Variants in ATAD2B observed in about 807,000 individuals in gnomAD.
The protein encoded by ATAD2B is ATPase family AAA domain containing 2B.
A neutral mutation model predicts 167.6 loss-of-function variants in ATAD2B; 40 were observed. The ratio of observed to expected loss-of-function variants is 0.24; its 90% CI spans 0.19 to 0.31. The LOEUF (loss-of-function observed/expected upper bound fraction) is 0.31. Ranked by LOEUF, ATAD2B falls within the 10% of genes least tolerant of loss-of-function variation. The pLI, the probability that ATAD2B is intolerant of heterozygous loss-of-function variation, is 1.00. For synonymous variants in ATAD2B, 579 were observed against 596.5 expected, an observed-to-expected ratio of 0.97 and a Z score of 0.43; for missense variants, 1,242 against 1,757.2, an observed-to-expected ratio of 0.71 and a Z score of 5.24.
chr2:23,881,860 A>G (rs1697957712), intron 6 of ATAD2B, among the ~76,000 whole-genome samples: 1 of 151,906 alleles, frequency 6.6e-6, no homozygotes, highest in South Asian at 2.1e-4. Context: ...AGTAGCTGGG[A>G]CTACAAGCAT....
chr2:23,821,467 C>T (rs1687437923), intron 16 of ATAD2B, among the ~76,000 whole-genome samples: 1 of 152,148 alleles, frequency 6.6e-6, no homozygotes, highest in East Asian at 1.9e-4. Flanking sequence ...TATTCATTCC[C>T]CTCTGTCTGC....
the ATAD2B span, among the ~76,000 whole-genome samples, chr2:23,722,254 T>TC: frequency 6.6e-6 from 1 of 151,984 alleles, no homozygotes; most frequent in Non-Finnish European, 1.5e-5. Flanking sequence ...AGATCCCAAT[T>TC]ATAAGGAAAT....
At chr2:23,829,560 G>A (rs2149709092) in intron 14 of ATAD2B, among the ~76,000 whole-genome samples, 1 of 152,210 alleles carries the variant, frequency 6.6e-6, no homozygotes, top group East Asian at 1.9e-4. Flanking sequence ...AGACTAGCCT[G>A]GACAACATAG....
At chr2:23,837,810 T>C (rs1690250943) in intron 13 of ATAD2B, among the ~76,000 whole-genome samples, 4 of 152,268 alleles carry the variant, frequency 2.6e-5, no homozygotes. Flanking sequence ...GTTACACCTT[T>C]GGACAATTTC....
At chr2:23,880,091 C>T (rs923108724) in intron 7 of ATAD2B, among the ~76,000 whole-genome samples, 8 of 151,350 alleles carry the variant, frequency 5.3e-5, no homozygotes, top group Admixed American at 3.3e-4. Flanking sequence ...GAGATACTTT[C>T]CCTAAAGAAC....
chr2:23,887,715 T>G, intron 4 of ATAD2B, 117 bp downstream of exon 4: 1 of 904,334 alleles, frequency 1.1e-6, no homozygotes, highest in African/African-American at 1.7e-5. Context: ...AGCTTCAAGT[T>G]AAGTTTTTAA....
chr2:23,778,801 G>C (rs1352023545), intron 22 of ATAD2B, among the ~76,000 whole-genome samples: 1 of 152,178 alleles, frequency 6.6e-6, no homozygotes, highest in Non-Finnish European at 1.5e-5. Flanking sequence ...GGCTTAATTT[G>C]ATCAAAGTTA....
chr2:23,901,401 C>T (rs1014765093), intron 1 of ATAD2B, among the ~76,000 whole-genome samples: 4 of 151,202 alleles, frequency 2.6e-5, no homozygotes, highest in Admixed American at 2.0e-4. Context: ...AGAATCTAGC[C>T]TAAATTAAGC....
chr2:23,736,850 T>C, the ATAD2B span, among the ~76,000 whole-genome samples: 1 of 152,198 alleles, frequency 6.6e-6, no homozygotes, highest in African/African-American at 2.4e-5. Flanking sequence ...ACCCTAATAC[T>C]GCGCTTTTCC....
chr2:23,878,627 C>A (rs1053979416), intron 7 of ATAD2B, among the ~76,000 whole-genome samples: 36 of 152,046 alleles, frequency 2.4e-4, no homozygotes, highest in Non-Finnish European at 4.3e-4. Flanking sequence ...CCACTGCACT[C>A]CAGCCTGGGC....
At chr2:23,680,202 G>T in the ATAD2B span, among the ~76,000 whole-genome samples, 1 of 152,190 alleles carries the variant, frequency 6.6e-6, no homozygotes, top group Admixed American at 6.5e-5. The surrounding 1 kb of genome is among the most constrained non-coding windows in gnomAD (Gnocchi z 4.1). Context: ...GGCAGGAGAG[G>T]CTGGATCCTG....
the ATAD2B span, among the ~76,000 whole-genome samples, chr2:23,716,789 G>A: frequency 2.6e-5 from 4 of 152,170 alleles, no homozygotes; most frequent in East Asian, 1.9e-4. Context: ...AGAGGAAAAA[G>A]CCCACATTCA....
At chr2:23,830,380 T>C (rs1221471327) in intron 14 of ATAD2B, among the ~76,000 whole-genome samples, 1 of 152,216 alleles carries the variant, frequency 6.6e-6, no homozygotes, top group Non-Finnish European at 1.5e-5. Context: ...TGTTTTCACA[T>C]CTGCACTCTT....
chr2:23,890,979 C>T (rs1466703380), intron 2 of ATAD2B, among the ~76,000 whole-genome samples: 3 of 151,208 alleles, frequency 2.0e-5, no homozygotes, highest in Non-Finnish European at 4.4e-5. Context: ...GGAGACACGA[C>T]ATGAAATACA....
chr2:23,712,813 C>A, the ATAD2B span, among the ~76,000 whole-genome samples: 2 of 152,220 alleles, frequency 1.3e-5, no homozygotes, highest in Non-Finnish European at 2.9e-5. Context: ...TGTTCACCAT[C>A]CAAACTTGCC....
the ATAD2B span, among the ~76,000 whole-genome samples, chr2:23,685,706 G>T: frequency 6.6e-6 from 1 of 152,184 alleles, no homozygotes; most frequent in Non-Finnish European, 1.5e-5. Flanking sequence ...TCCTGCCCCC[G>T]GTGCTTGGGC....
chr2:23,772,071 T>A (rs146438332), intron 22 of ATAD2B, among the ~76,000 whole-genome samples: 1,657 of 152,258 alleles, frequency 0.011, 17 homozygotes, highest in Middle Eastern at 0.037. Flanking sequence ...GGAATCACTG[T>A]CCTGTGTTGC....
chr2:23,810,647 T>G (rs576860900), intron 17 of ATAD2B, 145 bp from the exon 18 acceptor site: 6 of 637,150 alleles, frequency 9.4e-6, no homozygotes, highest in African/African-American at 9.1e-5. Flanking sequence ...TGACTTATTT[T>G]TTTATTAATT....
At chr2:23,773,648 T>C (rs973023030) in intron 22 of ATAD2B, among the ~76,000 whole-genome samples, 2 of 152,242 alleles carry the variant, frequency 1.3e-5, no homozygotes, top group South Asian at 2.1e-4. Flanking sequence ...ATAGAAACTA[T>C]ATATTTATGA....
Sources: gnomAD v4.1 joint callset for allele counts (sites outside exome capture counted in the v4.1 genomes callset) on GRCh38, gnomAD v4.1.1 for gene constraint, Gnocchi (gnomAD v3.1) non-coding constraint, MANE v1.5 for transcripts, NCBI Gene and HGNC (gene_info 2026-07-23, HGNC 2026-07-21) for gene names.